The following GAB2 variants were observed in gnomAD, a reference collection of about 807,000 sequenced individuals.
GAB2 encodes the protein GRB2 associated binding protein 2, also known as GRB2-associated-binding protein 2.
In GAB2, 26 loss-of-function variants were observed where a neutral mutation model predicts 65.5. The ratio of observed to expected loss-of-function variants is 0.40; its 90% CI spans 0.29 to 0.55. The LOEUF (loss-of-function observed/expected upper bound fraction) is 0.55. Ranked by LOEUF, GAB2 falls within the 20% of genes least tolerant of loss-of-function variation. The pLI, the probability that GAB2 is intolerant of heterozygous loss-of-function variation, is 0.53. For synonymous variants in GAB2, 321 were observed against 329.6 expected, an observed-to-expected ratio of 0.97 and a Z score of 0.28; for missense variants, 884 against 875.8, an observed-to-expected ratio of 1.01 and a Z score of -0.12.
intron 1 of GAB2, among the ~76,000 whole-genome samples, chr11:78,371,031 C>T (rs897823653): frequency 6.6e-6 from 1 of 152,084 alleles, no homozygotes; most frequent in South Asian, 2.1e-4. Flanking sequence ...AAACCAGAGC[C>T]CCACCCTCAC....
rs1590995210 is a variant in GAB2 at position 78,280,918 on chromosome 11, A to G, written c.76-17T>C. 1 of 1,602,390 alleles carries G rather than the reference A, an allele frequency of 6.2e-7. No homozygotes were observed. Among genetic ancestry groups the G allele is most frequent in the African/African-American group, 1.3e-5 (1 of 74,660 alleles). ...CTTCCAGGCCTAAATCATATCAGGA[A>G]GGAGTAAGAAGAGGGGGAAGAAGTC... is the stretch of plus-strand genomic sequence containing the variant. On this transcript the variant is annotated splice_polypyrimidine_tract_variant and intron_variant, in intron 1 of 9. Transcript: ENST00000361507.
intron 4 of GAB2, among the ~76,000 whole-genome samples, chr11:78,226,165 T>G (rs1864641571): frequency 6.6e-6 from 1 of 152,250 alleles, no homozygotes; most frequent in Non-Finnish European, 1.5e-5. Flanking sequence ...ATACAATGAT[T>G]TGGGCTTCTA....
intron 1 of GAB2, among the ~76,000 whole-genome samples, chr11:78,380,853 T>A (rs1202211998): frequency 7.2e-6 from 1 of 138,926 alleles, no homozygotes; most frequent in Non-Finnish European, 1.5e-5. Flanking sequence ...TCCCTCCTCA[T>A]GGAGTAATCT....
chr11:78,239,549 C>T (rs568104037), intron 3 of GAB2, among the ~76,000 whole-genome samples: 13 of 152,192 alleles, frequency 8.5e-5, no homozygotes, highest in East Asian at 3.9e-4. Context: ...GCAAAAATAA[C>T]GGAGGGAGAG....
At chr11:78,248,472 T>A (rs1322759073) in intron 3 of GAB2, among the ~76,000 whole-genome samples, 2 of 152,220 alleles carry the variant, frequency 1.3e-5, no homozygotes, top group African/African-American at 4.8e-5. Flanking sequence ...TTCAGTAAGA[T>A]CTTCAGGTAT....
At chr11:78,222,537 T>G (rs543581055) in intron 6 of GAB2, among the ~76,000 whole-genome samples, 1 of 148,230 alleles carries the variant, frequency 6.7e-6, no homozygotes, top group Non-Finnish European at 1.5e-5. Context: ...ATTTATATAT[T>G]AATATATTAA....
At chr11:78,386,267 T>C (rs1378419784) in intron 1 of GAB2, among the ~76,000 whole-genome samples, 1 of 152,208 alleles carries the variant, frequency 6.6e-6, no homozygotes, top group Non-Finnish European at 1.5e-5. Context: ...CCCATTCTAG[T>C]TGCTTCTTTC....
chr11:78,328,734 T>C (rs1379721215), intron 1 of GAB2, among the ~76,000 whole-genome samples: 2 of 126,012 alleles, frequency 1.6e-5, no homozygotes, highest in African/African-American at 6.3e-5. Flanking sequence ...AACTAATCTA[T>C]GGTAGAAAAA....
intron 2 of GAB2, among the ~76,000 whole-genome samples, chr11:78,257,330 A>T (rs896079808): frequency 2.0e-5 from 3 of 152,110 alleles, no homozygotes; most frequent in African/African-American, 7.2e-5. Flanking sequence ...CCAAAAATTT[A>T]TCCCCACCCT....
intron 1 of GAB2, among the ~76,000 whole-genome samples, chr11:78,390,177 G>C (rs1856817353): frequency 6.6e-6 from 1 of 152,298 alleles, no homozygotes; most frequent in East Asian, 1.9e-4. Flanking sequence ...GAGATAATTT[G>C]CATCTGTTCC....
rs773600323 is a variant in GAB2 at position 78,280,631 on chromosome 11, A to G, written c.346T>C (p.Cys116Arg). 2 of 1,614,080 alleles carry G rather than the reference A, an allele frequency of 1.2e-6. No homozygotes were observed. The highest frequency in any genetic ancestry group is 1.7e-6 in the Non-Finnish European group (2 of 1,179,910). ...NKWVQSICQI[C>R]GFNQAEESTD... ...CTCTCCTCAGCCTGATTGAAGCCAC[A>G]GATCTGGCAGATGCTCTGGACCCAC... is the stretch of plus-strand genomic sequence containing the variant. The change falls in exon 2 of 10, where the codon TGT (cysteine) becomes CGT (arginine). Residue 116 changes from cysteine to arginine, a missense_variant. Physicochemically the swap from Cys to Arg is radical, Grantham distance 180. Coordinates refer to ENST00000361507, the MANE Select transcript of GAB2 (RefSeq NM_080491.3).
At chr11:78,244,663 TAAAAA>T (rs36056237) in intron 3 of GAB2, among the ~76,000 whole-genome samples, 1 of 74,770 alleles carries the variant, frequency 1.3e-5, no homozygotes, top group Non-Finnish European at 2.3e-5. Flanking sequence ...ACATTCATAG[TAAAAA>T]AAAAAAAAAA....
intron 1 of GAB2, among the ~76,000 whole-genome samples, chr11:78,375,399 C>A (rs912905726): frequency 3.0e-4 from 45 of 152,056 alleles, no homozygotes; most frequent in African/African-American, 1.1e-3. Context: ...TTTGAAAAAT[C>A]TAAGGCTCTT....
chr11:78,250,085 A>G, intron 3 of GAB2, 72 bp downstream of exon 3: 11 of 1,492,142 alleles, frequency 7.4e-6, no homozygotes, highest in African/African-American at 1.4e-5. Flanking sequence ...GTCTTTAAAA[A>G]AGCAAGGACT....
At chr11:78,221,121 G>A (rs1864403041) in intron 8 of GAB2, among the ~76,000 whole-genome samples, 3 of 152,204 alleles carry the variant, frequency 2.0e-5, no homozygotes, top group Admixed American at 1.3e-4. Context: ...CTTTCTGGAA[G>A]TCTTATTCTA....
At chr11:78,305,284 G>T (rs952907092) in intron 1 of GAB2, among the ~76,000 whole-genome samples, 1 of 152,154 alleles carries the variant, frequency 6.6e-6, no homozygotes, top group Non-Finnish European at 1.5e-5. Context: ...TTTTTTTATA[G>T]ATAGGACCCA....
intron 2 of GAB2, among the ~76,000 whole-genome samples, chr11:78,259,405 A>G (rs1301923803): frequency 6.6e-6 from 1 of 152,228 alleles, no homozygotes; most frequent in African/African-American, 2.4e-5. Flanking sequence ...ACAGTATTTG[A>G]TAGGATTCTA....
chr11:78,401,505 C>CGTGTGTGTGTGTGTGTGTGTGT (rs34474918), intron 1 of GAB2, among the ~76,000 whole-genome samples: 1 of 124,936 alleles, frequency 8.0e-6, no homozygotes, highest in African/African-American at 3.0e-5. Context: ...GAACAGTATT[C>CGTGTGTGTGTGTGTGTGTGTGT]GTGTGTGTGT....
intron 1 of GAB2, among the ~76,000 whole-genome samples, chr11:78,354,500 T>G (rs1472938450): frequency 7.9e-5 from 12 of 152,094 alleles, no homozygotes; most frequent in Admixed American, 7.9e-4. Flanking sequence ...AAAAGGCTTT[T>G]GACACTGCAA....
Sources: gnomAD v4.1 joint callset for allele counts (sites outside exome capture counted in the v4.1 genomes callset) on GRCh38, gnomAD v4.1.1 for gene constraint, MANE v1.5 for transcripts, NCBI Gene and HGNC (gene_info 2026-07-23, HGNC 2026-07-21) for gene names.